Variants in NOS1 observed in about 807,000 individuals in gnomAD.
NOS1 encodes the protein NOS type I.
NOS1 carries 51 observed loss-of-function variants against 164.5 expected under a neutral mutation model. The observed-to-expected ratio is 0.31, with a 90% confidence interval of 0.25 to 0.39. The LOEUF (loss-of-function observed/expected upper bound fraction) is 0.39, where lower values mean the gene tolerates loss of function less well. Among genes scored for constraint, NOS1 ranks in the 10% least tolerant of loss-of-function variants. The pLI, the probability that NOS1 is intolerant of heterozygous loss-of-function variation, is 1.00. For missense variants in NOS1, 1,362 were observed against 1,885.6 expected (o/e 0.72, Z 5.14); for synonymous variants, 719 against 745.8 (o/e 0.96, Z 0.59).
chr12:117,260,439 T>C lies in NOS1; in HGVS notation c.2367+26A>G, dbSNP rs543160588. Reference sequence around the variant, plus strand: ...GCCTTAATTCACCATGAGAAGCTGGTGGAGCTAGGGCTACCCCCCACCTAC... The same window carrying C: ...GCCTTAATTCACCATGAGAAGCTGGCGGAGCTAGGGCTACCCCCCACCTAC... On this transcript the variant is annotated intron_variant, in intron 14 of 28. Coordinates refer to ENST00000317775, the MANE Select transcript of NOS1 (RefSeq NM_000620.5). 848 of 1,606,428 alleles carry C rather than the reference T, an allele frequency of 5.3e-4. 1 individual carries two copies. Among genetic ancestry groups the C allele is most frequent in the Non-Finnish European group, 7.0e-4 (826 of 1,173,708 alleles).
At chr12:117,290,272 C>A (rs754202936) in intron 4 of NOS1, 26 bp downstream of exon 4, 1 of 1,607,732 alleles carries the variant, frequency 6.2e-7, no homozygotes, top group Non-Finnish European at 8.5e-7. Flanking sequence ...GCCACCCTCT[C>A]ATCTACACCC....
rs1478962102 is a variant in NOS1, at chr12:117,208,663, A to G, written c.*6646T>C. On this transcript the variant is annotated 3_prime_UTR_variant, in exon 29 of 29. Coordinates refer to ENST00000317775, the MANE Select transcript of NOS1 (RefSeq NM_000620.5). Reference sequence around the variant, plus strand: ...TGGATCTCAGTGAGTCTTAATCAGAACCAACACCAAGGACACAGTGTCTTA... The same window carrying G: ...TGGATCTCAGTGAGTCTTAATCAGAGCCAACACCAAGGACACAGTGTCTTA... The G allele has an allele frequency of 8.1e-6, 9 of 1,115,178 alleles. No individual in the cohort carries two copies. The highest frequency in any genetic ancestry group is 8.9e-6 in the Non-Finnish European group (8 of 903,190). 69.1% of individuals were successfully genotyped at this position (1,115,178 alleles called of 1,614,324 possible).
intron 2 of NOS1, among the ~76,000 whole-genome samples, chr12:117,324,700 A>G (rs1875155120): frequency 7.3e-6 from 1 of 137,676 alleles, no homozygotes; most frequent in Non-Finnish European, 1.5e-5. Context: ...TGGGCTACAG[A>G]GCAAGACTCT....
intron 13 of NOS1, 76 bp downstream of exon 13, chr12:117,263,813 T>C: frequency 9.1e-7 from 1 of 1,101,950 alleles, no homozygotes; most frequent in Non-Finnish European, 1.4e-6. Context: ...GGCACAGGAG[T>C]CTGCCCAGCC....
intron 3 of NOS1, chr12:117,301,997 T>A (rs1873843198): frequency 4.4e-6 from 2 of 456,596 alleles, no homozygotes; most frequent in African/African-American, 4.0e-5. Flanking sequence ...TGGGTTCAAA[T>A]CCCATCTCCA....
intron 1 of NOS1, among the ~76,000 whole-genome samples, chr12:117,358,727 TC>T (rs1243435643): frequency 6.6e-6 from 1 of 152,098 alleles, no homozygotes; most frequent in Non-Finnish European, 1.5e-5. Context: ...CAAGCTGAGG[TC>T]TTCACCAGGT....
At chr12:117,222,443 A>G (rs977911677) in intron 26 of NOS1, among the ~76,000 whole-genome samples, 6 of 152,004 alleles carry the variant, frequency 3.9e-5, no homozygotes, top group Non-Finnish European at 7.4e-5. Context: ...TTTAGTAGAC[A>G]GGGTTTCACC....
intron 10 of NOS1, among the ~76,000 whole-genome samples, chr12:117,270,848 C>T (rs917859284): frequency 6.6e-6 from 1 of 151,998 alleles, no homozygotes; most frequent in Admixed American, 6.6e-5. Flanking sequence ...CTAGCCTGGC[C>T]AACATGGTGA....
intron 1 of NOS1, among the ~76,000 whole-genome samples, chr12:117,346,584 A>C (rs964960306): frequency 6.6e-6 from 1 of 152,188 alleles, no homozygotes; most frequent in African/African-American, 2.4e-5. Context: ...ATGCTTTGCT[A>C]CCCAAAGCGT....
chr12:117,337,220 A>G (rs1339434957), intron 1 of NOS1, among the ~76,000 whole-genome samples: 1 of 138,512 alleles, frequency 7.2e-6, no homozygotes, highest in African/African-American at 2.8e-5. Context: ...GGTTCACGCC[A>G]TTCTCCTGCC....
chr12:117,212,123 C>A lies in NOS1; in HGVS notation c.*3186G>T. The A allele has an allele frequency of 2.0e-6, 2 of 985,346 alleles. No homozygotes were observed. Among genetic ancestry groups the A allele is most frequent in the Non-Finnish European group, 2.4e-6 (2 of 829,918 alleles). The allele number at this position is 985,346 out of a possible 1,614,324, so 61.0% of individuals were successfully genotyped here. On this transcript the variant is annotated 3_prime_UTR_variant, in exon 29 of 29. Coordinates refer to ENST00000317775, the MANE Select transcript of NOS1 (RefSeq NM_000620.5). ...AGGAACTGTGTTTTGCTTATCTCTGCAAACTGCCCGGTGCCTTCCACACAC... is the reference window on the plus strand; with the variant it reads ...AGGAACTGTGTTTTGCTTATCTCTGAAAACTGCCCGGTGCCTTCCACACAC...
chr12:117,359,920 A>C (rs1347172445), intron 1 of NOS1, among the ~76,000 whole-genome samples: 1 of 73,688 alleles, frequency 1.4e-5, no homozygotes, highest in Admixed American at 1.4e-4. Context: ...ATATATATAT[A>C]TATATATATA....
rs561136476 is a variant in NOS1 at position 117,347,934 on chromosome 12, T to C, written c.-421+13578A>G. 1.3e-5 allele frequency: 2 copies of C among 152,270 alleles called. 1 individual carries two copies. The highest frequency in any genetic ancestry group is 1.3e-4 in the Admixed American group (2 of 15,290). 9.4% of individuals were successfully genotyped at this position (152,270 alleles called of 1,614,324 possible). On this transcript the variant is annotated intron_variant, in intron 1 of 28. Transcript: ENST00000317775. ...TCTCTTTTGATGTCAAACCAGTCCT[T>C]GCATACTCATTCTAACAGGAGCTGA...
chr12:117,208,869 C>A lies in NOS1; in HGVS notation c.*6440G>T. On this transcript the variant is annotated 3_prime_UTR_variant, in exon 29 of 29. Transcript: ENST00000317775. ...TCCCGAGTAGATGGGATTACAGATG[C>A]CCGCCACCACGCCGGGCTGATTTTT... 1.7e-6 allele frequency: 1 copy of A among 598,766 alleles called. No individual in the cohort carries two copies. Among genetic ancestry groups the A allele is most frequent in the Non-Finnish European group, 2.1e-6 (1 of 476,296 alleles). 37.1% of individuals were successfully genotyped at this position (598,766 alleles called of 1,614,324 possible).
intron 12 of NOS1, among the ~76,000 whole-genome samples, chr12:117,264,309 G>T (rs1372843774): frequency 6.6e-6 from 1 of 151,918 alleles, no homozygotes; most frequent in Non-Finnish European, 1.5e-5. Context: ...GTCTCACTCT[G>T]CTGCCCAGGC....
rs1872879478 is a variant in NOS1 at position 117,272,648 on chromosome 12, TGG to T, written c.1665-91_1665-90del. 3.9e-6 allele frequency: 5 copies of T among 1,288,702 alleles called. No individual in the cohort carries two copies. The highest frequency in any genetic ancestry group is 5.4e-6 in the Non-Finnish European group (5 of 919,404). 79.8% of individuals were successfully genotyped at this position (1,288,702 alleles called of 1,614,324 possible). ...TCTAGAGATGCTGAAATGCCAAGGA[TGG>T]ACTGGGACTGACAAGGTCAGAATAT... On this transcript the variant is annotated intron_variant, in intron 9 of 28. Coordinates refer to ENST00000317775, the MANE Select transcript of NOS1 (RefSeq NM_000620.5). The surrounding 1 kb of genome is among the most constrained non-coding windows in gnomAD (Gnocchi z 4.3).
intron 1 of NOS1, among the ~76,000 whole-genome samples, chr12:117,359,926 ATATATAT>A (rs1176366679): frequency 1.2e-5 from 1 of 82,938 alleles, no homozygotes. Flanking sequence ...ATATATATAT[ATATATAT>A]ATCAGCAACA....
intron 25 of NOS1, 51 bp downstream of exon 25, chr12:117,224,965 C>T: frequency 1.9e-6 from 3 of 1,612,922 alleles, no homozygotes; most frequent in Non-Finnish European, 1.7e-6. Flanking sequence ...CACAGCTGGA[C>T]CTCCCCAGGT....
At chr12:117,328,257 G>A (rs924678169) in intron 2 of NOS1, among the ~76,000 whole-genome samples, 1 of 152,074 alleles carries the variant, frequency 6.6e-6, no homozygotes, top group African/African-American at 2.4e-5. Flanking sequence ...TGCAACCTCT[G>A]TCTCCCGGGT....
Sources: gnomAD v4.1 joint callset for allele counts (sites outside exome capture counted in the v4.1 genomes callset) on GRCh38, gnomAD v4.1.1 for gene constraint, Gnocchi (gnomAD v3.1) non-coding constraint, MANE v1.5 for transcripts, NCBI Gene and HGNC (gene_info 2026-07-23, HGNC 2026-07-21) for gene names.